Variants in ST8SIA5 observed in about 807,000 individuals in gnomAD.
ST8SIA5 encodes ST8 alpha-N-acetyl-neuraminide alpha-2,8-sialyltransferase 5.
Under a neutral mutation model 40.2 loss-of-function variants are expected in ST8SIA5, and 24 were observed. That is an observed-to-expected ratio of 0.60 (90% confidence interval 0.43 to 0.84). ST8SIA5 has a LOEUF of 0.84. ST8SIA5 is among the 40% of genes least tolerant of loss of function. ST8SIA5 has a pLI of 0.00. For synonymous variants in ST8SIA5, 198 were observed against 201.8 expected (o/e 0.98, Z 0.16); for missense variants, 465 against 498.5 (o/e 0.93, Z 0.64).
At chr18:46,752,185 C>T (rs1405188699) in intron 1 of ST8SIA5, among the ~76,000 whole-genome samples, 3 of 152,112 alleles carry the variant, frequency 2.0e-5, no homozygotes, top group Non-Finnish European at 4.4e-5. Context: ...TGGATCATTC[C>T]CCTTTCTTGA....
In ST8SIA5 at chr18:46,741,841, C is replaced by T. The variant is rs370459420; in HGVS notation, c.131+14537G>A. ...TTTTGGCTGGATGCAGTGGCTCACACCTGTAATCCCAGCACTTTGGGAGGC... is the reference window on the plus strand; with the variant it reads ...TTTTGGCTGGATGCAGTGGCTCACATCTGTAATCCCAGCACTTTGGGAGGC... On this transcript the variant is annotated intron_variant, in intron 1 of 6. Coordinates refer to ENST00000315087, the MANE Select transcript of ST8SIA5 (RefSeq NM_013305.6). Among the ~76,000 whole-genome samples, 24 of 152,248 alleles carry T rather than the reference C, an allele frequency of 1.6e-4. No individual in the cohort carries two copies. In the East Asian group the frequency reaches 3.1e-3, roughly 20 times the overall value.
Position 46,669,394 on chromosome 18 carries a change from T to C in ST8SIA5, c.*10648A>G, listed in dbSNP as rs994708341. ...TCTGGGCCTCGGCAAGGAGGGTTGC[T>C]ACTCTCTGCCCTGTCCTCCTTGCAG... On this transcript the variant is annotated 3_prime_UTR_variant, in exon 7 of 7. Coordinates refer to ENST00000315087, the MANE Select transcript of ST8SIA5 (RefSeq NM_013305.6). The C allele has an allele frequency of 5.3e-5, 8 of 152,312 alleles. No individual in the cohort carries two copies. The highest frequency in any genetic ancestry group is 1.9e-4 in the African/African-American group (8 of 41,572). The allele number at this position is 152,312 out of a possible 1,614,324, so 9.4% of individuals were successfully genotyped here.
intron 4 of ST8SIA5, among the ~76,000 whole-genome samples, 183 bp from the exon 5 acceptor site, chr18:46,686,469 A>T (rs1212297121): frequency 6.6e-6 from 1 of 152,130 alleles, no homozygotes; most frequent in Non-Finnish European, 1.5e-5. Flanking sequence ...GAGTCTTGTT[A>T]CTATTAGATG....
chr18:46,746,966 G>A (rs943347033), intron 1 of ST8SIA5, among the ~76,000 whole-genome samples: 2 of 152,102 alleles, frequency 1.3e-5, no homozygotes, highest in African/African-American at 2.4e-5. Context: ...ACAAGAAATC[G>A]GGAAAGGATT....
intron 1 of ST8SIA5, among the ~76,000 whole-genome samples, chr18:46,727,507 T>C (rs919274202): frequency 6.6e-6 from 1 of 152,226 alleles, no homozygotes; most frequent in African/African-American, 2.4e-5. Context: ...CAGGTGGAAC[T>C]ACCTCCATTA....
Position 46,756,409 on chromosome 18 carries a change from G to A in ST8SIA5, c.100C>T (p.Gln34Ter), listed in dbSNP as rs1027866431. Residue 34 changes from glutamine to a stop codon, truncating the protein, a stop_gained, in exon 1 of 7, where the codon CAG (glutamine) becomes TAG (stop). Coordinates refer to ENST00000315087, the MANE Select transcript of ST8SIA5 (RefSeq NM_013305.6). LOFTEE classifies it high-confidence loss of function. Reference protein sequence around the residue: ...CAFALVTLLQQILYGRNYIKR... With the variant: ...CAFALVTLLQ ...ATGTAGTTCCTGCCATACAGGATCT[G>A]TTGCAGCAAGGTCACCAAGGCAAAG... is the stretch of plus-strand genomic sequence containing the variant. The A allele has an allele frequency of 1.2e-6, 2 of 1,613,008 alleles. No individual in the cohort carries two copies. Among genetic ancestry groups the A allele is most frequent in the Middle Eastern group, 1.6e-4 (1 of 6,080 alleles).
chr18:46,690,645 G>A (rs1465982650), intron 3 of ST8SIA5, among the ~76,000 whole-genome samples: 2 of 124,892 alleles, frequency 1.6e-5, no homozygotes, highest in Admixed American at 9.8e-5. Context: ...ATGGAGTCTC[G>A]CTCTGTCGCC....
chr18:46,693,581 C>T (rs935290562), intron 2 of ST8SIA5, among the ~76,000 whole-genome samples: 1 of 152,218 alleles, frequency 6.6e-6, no homozygotes, highest in African/African-American at 2.4e-5. Flanking sequence ...TTTTAATTTA[C>T]ACATTTACAT....
intron 1 of ST8SIA5, among the ~76,000 whole-genome samples, chr18:46,722,549 G>A (rs2039873864): frequency 6.6e-6 from 1 of 152,214 alleles, no homozygotes; most frequent in African/African-American, 2.4e-5. Context: ...AACAGATATG[G>A]AGGAAAGGGT....
intron 1 of ST8SIA5, among the ~76,000 whole-genome samples, chr18:46,750,837 C>T (rs531361152): frequency 6.6e-6 from 1 of 152,304 alleles, no homozygotes; most frequent in South Asian, 2.1e-4. Context: ...TTCCACTCTG[C>T]TCTGTCCTTG....
intron 3 of ST8SIA5, 55 bp downstream of exon 3, chr18:46,692,114 G>T (rs771783831): frequency 6.4e-7 from 1 of 1,566,682 alleles, no homozygotes; most frequent in Non-Finnish European, 8.8e-7. Flanking sequence ...ACCAGAAGAG[G>T]TGGCAGTGAG....
chr18:46,748,085 G>A (rs2040158369), intron 1 of ST8SIA5, among the ~76,000 whole-genome samples: 2 of 152,028 alleles, frequency 1.3e-5, no homozygotes, highest in African/African-American at 4.8e-5. Flanking sequence ...GTGGAGGGCT[G>A]GGGGAGGGAT....
rs769317796 is a variant in ST8SIA5, at chr18:46,680,457, T to C, written c.716A>G (p.Tyr239Cys). 2 of 1,608,652 alleles carry C rather than the reference T, an allele frequency of 1.2e-6. No individual in the cohort carries two copies. The highest frequency in any genetic ancestry group is 3.4e-5 in the Admixed American group (2 of 59,640). The change falls in exon 7 of 7, where the codon TAC becomes TGC. Residue 239 changes from tyrosine (Y) to cysteine (C), a missense_variant. By Grantham distance (194) the Tyr-to-Cys change is radical (BLOSUM62 -2). Coordinates refer to ENST00000315087, the MANE Select transcript of ST8SIA5 (RefSeq NM_013305.6). Reference sequence around the variant, plus strand: ...AGGCAGCAGCACCGACGCGTTCTCGTACACCTGCAGCACGCGATAGAACGG... The same window carrying C: ...AGGCAGCAGCACCGACGCGTTCTCGCACACCTGCAGCACGCGATAGAACGG... Reference protein sequence around the residue: ...RRPFYRVLQVYENASVLLPAF... With the variant: ...RRPFYRVLQVCENASVLLPAF...
At chr18:46,689,763 T>G (rs1426658743) in intron 3 of ST8SIA5, among the ~76,000 whole-genome samples, 2 of 143,516 alleles carry the variant, frequency 1.4e-5, no homozygotes, top group African/African-American at 2.6e-5. Flanking sequence ...TTTTTTTTAG[T>G]AGAGTCAAGG....
At position 46,676,804 on chromosome 18, in the gene ST8SIA5, G is replaced by C. The variant is rs1188510554; in HGVS notation, c.*3238C>G. 6.6e-6 allele frequency: 1 copy of C among 152,278 alleles called. No individual in the cohort carries two copies. The allele number at this position is 152,278 out of a possible 1,614,324, so 9.4% of individuals were successfully genotyped here. A position where few individuals can be genotyped will look rare whatever the true frequency, so the allele number is the denominator to read the frequency against. The stretch of plus-strand genomic sequence containing the variant: ...CACTGCATGGTGGCGTGGTGACAGG[G>C]CTGTGGAGGAACATGGCAGAAGGCT... On this transcript the variant is annotated 3_prime_UTR_variant, in exon 7 of 7. Transcript: ENST00000315087.
intron 4 of ST8SIA5, 69 bp from the exon 5 acceptor site, chr18:46,686,355 T>G: frequency 7.8e-7 from 1 of 1,279,266 alleles, no homozygotes; most frequent in South Asian, 1.2e-5. Context: ...CTCTCACCTC[T>G]GCAAGCACAC....
chr18:46,733,139 GGAGGGGGAA>G (rs1329209864), intron 1 of ST8SIA5, among the ~76,000 whole-genome samples: 1 of 152,164 alleles, frequency 6.6e-6, no homozygotes, highest in Non-Finnish European at 1.5e-5. Context: ...CACAACCCTG[GGAGGGGGAA>G]GACCCCGAAG....
chr18:46,689,758 T>TTTG, intron 3 of ST8SIA5, among the ~76,000 whole-genome samples: 1 of 150,582 alleles, frequency 6.6e-6, no homozygotes, highest in African/African-American at 2.4e-5. Context: ...TTTTTTTTTT[T>TTTG]TTAGTAGAGT....
Position 46,748,629 on chromosome 18 carries a change from A to C in ST8SIA5, c.131+7749T>G, listed in dbSNP as rs1013855632. ...AAAGAAGATATGCAAATAGCTAACA[A>C]GCACATTAAAAGATGCTCCACATCA... On this transcript the variant is annotated intron_variant, in intron 1 of 6. Transcript: ENST00000315087. Among the ~76,000 whole-genome samples, 24 of 152,020 alleles carry C rather than the reference A, an allele frequency of 1.6e-4. 1 individual carries two copies. The highest frequency in any genetic ancestry group is 2.9e-5 in the Non-Finnish European group (2 of 68,008).
Sources: gnomAD v4.1 joint callset for allele counts (sites outside exome capture counted in the v4.1 genomes callset) on GRCh38, gnomAD v4.1.1 for gene constraint, MANE v1.5 for transcripts, NCBI Gene and HGNC (gene_info 2026-07-23, HGNC 2026-07-21) for gene names.